GTF2IRD1: variants seen among roughly 807,000 people sequenced by gnomAD.
The protein encoded by GTF2IRD1 is general transcription factor II-I repeat domain-containing protein 1.
A neutral mutation model predicts 113.2 loss-of-function variants in GTF2IRD1; 26 were observed. That is an observed-to-expected ratio of 0.23 (90% CI 0.17 to 0.32). The LOEUF is 0.32. GTF2IRD1 is among the 10% of genes least tolerant of loss of function. GTF2IRD1 has a pLI of 1.00. For missense variants in GTF2IRD1, 864 were observed against 1,280.8 expected, an observed-to-expected ratio of 0.67 and a Z score of 4.97; for synonymous variants, 484 against 529.1, an observed-to-expected ratio of 0.91 and a Z score of 1.17.
intron 13 of GTF2IRD1, among the ~76,000 whole-genome samples, chr7:74,539,586 A>G (rs1208575899): frequency 6.6e-6 from 1 of 152,100 alleles, no homozygotes; most frequent in Non-Finnish European, 1.5e-5. Context: ...TCTACTAAAA[A>G]TACAAAAATA....
chr7:74,593,388 C>T (rs1802187684), intron 24 of GTF2IRD1, among the ~76,000 whole-genome samples: 2 of 105,420 alleles, frequency 1.9e-5, no homozygotes, highest in Middle Eastern at 6.7e-3. Flanking sequence ...CCAGCCTGAC[C>T]AATATGGTGA....
intron 9 of GTF2IRD1, among the ~76,000 whole-genome samples, chr7:74,531,666 T>G (rs1013533842): frequency 6.6e-6 from 1 of 151,670 alleles, no homozygotes; most frequent in Non-Finnish European, 1.5e-5. Flanking sequence ...GCGGATCACT[T>G]GAGCCTAGGA....
intron 22 of GTF2IRD1, 69 bp downstream of exon 22, chr7:74,559,724 A>G: frequency 3.0e-6 from 4 of 1,333,600 alleles, no homozygotes; most frequent in Non-Finnish European, 4.1e-6. Context: ...GACTGGAGCT[A>G]AGCCTGCTGT....
chr7:74,535,692 C>T (rs996489636), intron 10 of GTF2IRD1, among the ~76,000 whole-genome samples: 9 of 152,270 alleles, frequency 5.9e-5, no homozygotes, highest in African/African-American at 1.4e-4. Flanking sequence ...GTTCCGGTCC[C>T]GCCTCCCACC....
chr7:74,575,106 A>AAAAAAAC (rs1491168793), intron 22 of GTF2IRD1, among the ~76,000 whole-genome samples: 1 of 48 alleles, frequency 0.021, no homozygotes, highest in Non-Finnish European at 0.071. Flanking sequence ...ACAAAAAAAC[A>AAAAAAAC]AAAAAAACCC....
At chr7:74,539,441 C>T (rs1409576727) in intron 13 of GTF2IRD1, among the ~76,000 whole-genome samples, 2 of 151,828 alleles carry the variant, frequency 1.3e-5, no homozygotes, top group Non-Finnish European at 2.9e-5. Context: ...GAGCGAGACC[C>T]TATCTCAAAA....
rs1475545260 is a variant in GTF2IRD1 at position 74,512,446 on chromosome 7, AG to A, written c.124-383del. 6.6e-6 allele frequency among the ~76,000 whole-genome samples: 1 copy of A among 152,102 alleles called. No homozygotes were observed. The highest frequency in any genetic ancestry group is 1.5e-5 in the Non-Finnish European group (1 of 68,006). The stretch of plus-strand genomic sequence containing the variant: ...GCAGAAGTGGCCGAGGTGGGATTGC[AG>A]CCCCAGTCTGTCCAGTCCCCGCCTG... On this transcript the variant is annotated intron_variant, in intron 2 of 26. Transcript: ENST00000424337. The surrounding 1 kb of genome is among the most constrained non-coding windows in gnomAD (Gnocchi z 4.4).
chr7:74,497,454 G>A (rs1259752132), intron 1 of GTF2IRD1, among the ~76,000 whole-genome samples: 2 of 152,082 alleles, frequency 1.3e-5, no homozygotes, highest in Non-Finnish European at 2.9e-5. Flanking sequence ...TGTAGAGATG[G>A]AATCTTGCCA....
intron 22 of GTF2IRD1, among the ~76,000 whole-genome samples, chr7:74,566,682 G>A (rs868918169): frequency 6.6e-6 from 1 of 152,206 alleles, no homozygotes; most frequent in Non-Finnish European, 1.5e-5. Flanking sequence ...GCCCACTCAC[G>A]TTACCACGTC....
chr7:74,511,085 G>A (rs1554342830), intron 2 of GTF2IRD1, among the ~76,000 whole-genome samples: 1 of 152,074 alleles, frequency 6.6e-6, no homozygotes, highest in Non-Finnish European at 1.5e-5. Context: ...GGCAGCAGTG[G>A]TCTAGTGAGT....
chr7:74,560,914 G>A (rs190805776), intron 22 of GTF2IRD1, among the ~76,000 whole-genome samples: 2 of 152,040 alleles, frequency 1.3e-5, no homozygotes, highest in African/African-American at 4.8e-5. Flanking sequence ...ATCCACTTCT[G>A]TCTCCACCAT....
intron 4 of GTF2IRD1, among the ~76,000 whole-genome samples, chr7:74,517,768 C>A (rs1366645365): frequency 1.3e-5 from 2 of 152,166 alleles, no homozygotes; most frequent in African/African-American, 4.8e-5. Flanking sequence ...CCCACTTCTC[C>A]GTCTCTTCTG....
chr7:74,521,119 C>A, intron 6 of GTF2IRD1, 89 bp from the exon 7 acceptor site: 1 of 738,010 alleles, frequency 1.4e-6, no homozygotes. Context: ...AGGCTGTTAC[C>A]CCAGAGCCAG....
Position 74,601,135 on chromosome 7 carries a change from C to G in GTF2IRD1, c.2721C>G (p.Ser907=). 6.2e-7 allele frequency: 1 copy of G among 1,611,684 alleles called. No individual in the cohort carries two copies. Among genetic ancestry groups the G allele is most frequent in the Non-Finnish European group, 8.5e-7 (1 of 1,178,878 alleles). The change falls in exon 26 of 27, where the codon TCC becomes TCG. Residue 907 remains serine, a synonymous_variant. Coordinates refer to ENST00000424337, the MANE Select transcript of GTF2IRD1 (RefSeq NM_005685.4). ...SSSSSSSSSS[S]SNPDSVASAN... is the part of the protein sequence containing the mutation. The stretch of plus-strand genomic sequence containing the variant: ...CCTCCTCGTCTTCCTCTTCCTCGTC[C>G]TCTAACCCGGATTCAGTGGCATCGG...
intron 2 of GTF2IRD1, among the ~76,000 whole-genome samples, chr7:74,508,827 G>A (rs1289689125): frequency 6.6e-6 from 1 of 152,122 alleles, no homozygotes; most frequent in African/African-American, 2.4e-5. Flanking sequence ...CAGGTGACCT[G>A]GGGGATAATG....
At chr7:74,574,607 G>A (rs1343258547) in intron 22 of GTF2IRD1, among the ~76,000 whole-genome samples, 1 of 151,370 alleles carries the variant, frequency 6.6e-6, no homozygotes, top group Non-Finnish European at 1.5e-5. Flanking sequence ...CTGGAGGCGT[G>A]CACCACCGTG....
intron 1 of GTF2IRD1, among the ~76,000 whole-genome samples, chr7:74,471,047 T>G (rs1310276820): frequency 6.6e-6 from 1 of 152,088 alleles, no homozygotes; most frequent in Non-Finnish European, 1.5e-5. Context: ...TCAGGTGATC[T>G]GCCCGCCTCA....
chr7:74,560,420 C>T (rs1185010224), intron 22 of GTF2IRD1, among the ~76,000 whole-genome samples: 2 of 149,564 alleles, frequency 1.3e-5, no homozygotes, highest in Admixed American at 1.3e-4. Context: ...AGTGCAGTGC[C>T]TCTCCTGACC....
intron 16 of GTF2IRD1, 106 bp from the exon 17 acceptor site, chr7:74,546,996 CA>C: frequency 1.9e-6 from 2 of 1,026,510 alleles, no homozygotes; most frequent in Non-Finnish European, 2.9e-6. Flanking sequence ...GGCAGGCCCT[CA>C]AAAGGGCTCT....
Sources: allele counts gnomAD v4.1 joint callset (sites outside exome capture counted in the v4.1 genomes callset), GRCh38; gene constraint gnomAD v4.1.1; non-coding constraint Gnocchi (gnomAD v3.1); transcripts MANE v1.5; gene names NCBI Gene and HGNC (gene_info 2026-07-23, HGNC 2026-07-21).